Variants in CIDEA observed in about 807,000 individuals in gnomAD.
CIDEA encodes lipid transferase CIDEA.
In CIDEA, 10 loss-of-function variants were observed where a neutral mutation model predicts 18.2. The ratio of observed to expected loss-of-function variants is 0.55; its 90% confidence interval spans 0.34 to 0.93. CIDEA has a LOEUF of 0.93. Among genes scored for constraint, CIDEA ranks in the 40% least tolerant of loss-of-function variants. CIDEA has a pLI of 0.02. For synonymous variants in CIDEA, 128 were observed against 124.8 expected (o/e 1.03, Z -0.17); for missense variants, 309 against 293.1 (o/e 1.05, Z -0.40).
intron 3 of CIDEA, among the ~76,000 whole-genome samples, chr18:12,271,570 G>T (rs955470655): frequency 9.2e-5 from 14 of 152,290 alleles, no homozygotes; most frequent in Non-Finnish European, 1.9e-4. Context: ...GGGAAAGGCG[G>T]GTTTGTTTTT....
At chr18:12,275,364 C>A (rs548690887) in intron 4 of CIDEA, among the ~76,000 whole-genome samples, 13 of 152,192 alleles carry the variant, frequency 8.5e-5, no homozygotes, top group Admixed American at 3.3e-4. Context: ...AATAAACAAA[C>A]AAAAAATAAA....
At chr18:12,264,000 G>C (rs897552361) in intron 2 of CIDEA, 30 of 225,334 alleles carry the variant, frequency 1.3e-4, no homozygotes, top group African/African-American at 6.8e-4. Flanking sequence ...TACTCCGGAG[G>C]CTGTGGCAGG....
At chr18:12,271,804 C>T (rs1323476491) in intron 3 of CIDEA, among the ~76,000 whole-genome samples, 3 of 151,874 alleles carry the variant, frequency 2.0e-5, no homozygotes, top group Non-Finnish European at 4.4e-5. Context: ...GAGACCAGAA[C>T]GCTGGAGCAG....
At chr18:12,261,447 C>T (rs1297029077) in intron 1 of CIDEA, among the ~76,000 whole-genome samples, 2 of 152,218 alleles carry the variant, frequency 1.3e-5, no homozygotes, top group East Asian at 1.9e-4. Context: ...CTTCTAGTGA[C>T]AGCAGCAGGG....
chr18:12,272,155 G>T (rs1045285175), intron 3 of CIDEA, among the ~76,000 whole-genome samples: 1 of 14,692 alleles, frequency 6.8e-5, no homozygotes, highest in South Asian at 1.9e-3. Context: ...TGTGTGGGGG[G>T]GGGGGGTTGG....
At chr18:12,255,032 G>A (rs1290788155) in intron 1 of CIDEA, 2 of 961,392 alleles carry the variant, frequency 2.1e-6, no homozygotes, top group South Asian at 1.7e-5. Flanking sequence ...GAGCAGGGGG[G>A]ACAAGGGGCG....
intron 4 of CIDEA, among the ~76,000 whole-genome samples, chr18:12,274,719 G>A (rs1192193515): frequency 3.9e-5 from 6 of 152,170 alleles, no homozygotes; most frequent in Non-Finnish European, 5.9e-5. Context: ...TGGCATGGGC[G>A]TGTGTCCTCT....
intron 2 of CIDEA, 84 bp from the exon 3 acceptor site, chr18:12,264,223 A>G (rs1912276323): frequency 7.5e-7 from 1 of 1,338,030 alleles, no homozygotes; most frequent in Admixed American, 2.6e-5. Context: ...ACACTTTTGA[A>G]AACTGTAACT....
chr18:12,262,563 A>G (rs1300921625), intron 1 of CIDEA, among the ~76,000 whole-genome samples: 6 of 152,210 alleles, frequency 3.9e-5, no homozygotes, highest in Admixed American at 3.9e-4. Context: ...TTCCCTAACC[A>G]TTCCTTCTCA....
At chr18:12,264,593 A>T (rs540756562) in intron 3 of CIDEA, 140 bp downstream of exon 3, 11 of 665,252 alleles carry the variant, frequency 1.7e-5, no homozygotes, top group Non-Finnish European at 9.4e-6. Flanking sequence ...TCGCTCTGTC[A>T]CCCAGGCTGG....
intron 3 of CIDEA, among the ~76,000 whole-genome samples, chr18:12,266,152 G>A (rs552659032): frequency 5.3e-5 from 8 of 152,018 alleles, no homozygotes; most frequent in Non-Finnish European, 1.0e-4. Context: ...GATCACTTGA[G>A]CCCAGGACTT....
At chr18:12,272,173 T>TGGGGGG (rs1568105938) in intron 3 of CIDEA, among the ~76,000 whole-genome samples, 1 of 4,048 alleles carries the variant, frequency 2.5e-4, no homozygotes, top group Non-Finnish European at 5.0e-4. Context: ...TGGGGGGGGG[T>TGGGGGG]TGTTGTTGTT....
intron 1 of CIDEA, 145 bp downstream of exon 1, chr18:12,254,566 G>GCGCACACACCCATCCA: frequency 6.5e-7 from 1 of 1,529,268 alleles, no homozygotes; most frequent in Non-Finnish European, 8.8e-7. Context: ...CCGCGACCCC[G>GCGCACACACCCATCCA]CGCACACACC....
chr18:12,257,243 T>G (rs1033442435), intron 1 of CIDEA, among the ~76,000 whole-genome samples: 1 of 152,174 alleles, frequency 6.6e-6, no homozygotes, highest in African/African-American at 2.4e-5. Flanking sequence ...TACTGCTTCT[T>G]CCTCCCACGG....
intron 3 of CIDEA, among the ~76,000 whole-genome samples, chr18:12,270,895 T>TTTTTTTTTTTTTTTTC (rs1912503678): frequency 1.0e-4 from 1 of 9,902 alleles, no homozygotes; most frequent in African/African-American, 1.8e-4. Flanking sequence ...TTTTCTTTTC[T>TTTTTTTTTTTTTTTTC]TTTTTTTTTT....
At chr18:12,267,981 C>A (rs79219904) in intron 3 of CIDEA, among the ~76,000 whole-genome samples, 9 of 152,258 alleles carry the variant, frequency 5.9e-5, no homozygotes, top group Non-Finnish European at 1.0e-4. Context: ...ACTTATCCAG[C>A]CTCCAATGTC....
intron 1 of CIDEA, among the ~76,000 whole-genome samples, chr18:12,256,819 C>T (rs958735598): frequency 5.9e-5 from 9 of 152,136 alleles, no homozygotes; most frequent in African/African-American, 1.7e-4. Flanking sequence ...CTTATTTTAA[C>T]GAAACTGCAA....
chr18:12,255,705 G>C (rs1912013735), intron 1 of CIDEA, among the ~76,000 whole-genome samples: 1 of 152,172 alleles, frequency 6.6e-6, no homozygotes, highest in African/African-American at 2.4e-5. Context: ...GGGGAAGGAG[G>C]TGTGGGCTGA....
chr18:12,256,208 G>T, intron 1 of CIDEA, among the ~76,000 whole-genome samples: 1 of 152,130 alleles, frequency 6.6e-6, no homozygotes. Context: ...AACCCTGTCC[G>T]GGCAAAAGAG....
Sources: allele counts gnomAD v4.1 joint callset (sites outside exome capture counted in the v4.1 genomes callset), GRCh38; gene constraint gnomAD v4.1.1; transcripts MANE v1.5; gene names NCBI Gene and HGNC (gene_info 2026-07-23, HGNC 2026-07-21).